Variants in COMMD8 observed in about 807,000 individuals in gnomAD.
COMMD8 encodes COMM domain containing 8.
A neutral mutation model predicts 27.2 loss-of-function variants in COMMD8; 28 were observed. The ratio of observed to expected loss-of-function variants is 1.03; its 90% CI spans 0.76 to 1.41. The LOEUF (loss-of-function observed/expected upper bound fraction) is 1.41, where lower values mean the gene tolerates loss of function less well. Among genes scored for constraint, COMMD8 ranks in the 40% most tolerant of loss-of-function variants. COMMD8 has a pLI of 0.00. For missense variants in COMMD8, 217 were observed against 211.2 expected (o/e 1.03, Z -0.17); for synonymous variants, 79 against 75.5 (o/e 1.05, Z -0.24).
In COMMD8 at chr4:47,456,558, CAT is replaced by C; in HGVS notation, c.375+17_375+18del. The C allele has an allele frequency of 6.5e-7, 1 of 1,533,108 alleles. No homozygotes were observed. The highest frequency in any genetic ancestry group is 8.7e-7 in the Non-Finnish European group (1 of 1,145,906). The allele number at this position is 1,533,108 out of a possible 1,614,324, so 95.0% of individuals were successfully genotyped here. A position where few individuals can be genotyped will look rare whatever the true frequency, so the allele number is the denominator to read the frequency against. On this transcript the variant is annotated intron_variant, in intron 3 of 4. Transcript: ENST00000381571. ...TCCAAAAAATGAAATAAAAAATACA[CAT>C]ACTCATAGACTCTTACCTTTACCTG...
chr4:47,459,695 A>G (rs1043536515), intron 2 of COMMD8, among the ~76,000 whole-genome samples: 6 of 152,182 alleles, frequency 3.9e-5, no homozygotes, highest in Non-Finnish European at 7.4e-5. Flanking sequence ...ACACACCCCA[A>G]ATAATTTCAA....
intron 4 of COMMD8, 61 bp downstream of exon 4, chr4:47,452,998 A>C: frequency 6.8e-7 from 1 of 1,474,978 alleles, no homozygotes; most frequent in Non-Finnish European, 9.1e-7. Flanking sequence ...CTCCAACGCA[A>C]ACAAAAAAAA....
chr4:47,460,023 A>C, intron 2 of COMMD8, 121 bp downstream of exon 2: 2 of 730,032 alleles, frequency 2.7e-6, no homozygotes, highest in East Asian at 5.9e-5. Context: ...TTTTCCATTC[A>C]CAATTATAAG....
At position 47,450,885 on chromosome 4, in the gene COMMD8, TTTA is replaced by T. The variant is rs1175884839; in HGVS notation, c.*757_*759del. ...ACATCCCAAAGTATTCAATATTGAG[TTTA>T]TTAACAAAAGTGGATGTGTACATAG... is the stretch of plus-strand genomic sequence containing the variant. On this transcript the variant is annotated 3_prime_UTR_variant, in exon 5 of 5. Coordinates refer to ENST00000381571, the MANE Select transcript of COMMD8 (RefSeq NM_017845.5). The T allele has an allele frequency of 6.6e-6, 1 of 152,230 alleles. No individual in the cohort carries two copies. The highest frequency in any genetic ancestry group is 1.5e-5 in the Non-Finnish European group (1 of 68,032). The allele number at this position is 152,230 out of a possible 1,614,324, so 9.4% of individuals were successfully genotyped here. A position where few individuals can be genotyped will look rare whatever the true frequency, so the allele number is the denominator to read the frequency against.
intron 3 of COMMD8, among the ~76,000 whole-genome samples, chr4:47,454,014 C>T (rs915615492): frequency 6.6e-6 from 1 of 152,180 alleles, no homozygotes; most frequent in African/African-American, 2.4e-5. Flanking sequence ...CTTGACATAG[C>T]TCCTCTATTC....
chr4:47,458,144 T>C (rs1165133717), intron 2 of COMMD8, among the ~76,000 whole-genome samples: 1 of 152,066 alleles, frequency 6.6e-6, no homozygotes, highest in African/African-American at 2.4e-5. Flanking sequence ...TGGATATCTA[T>C]AAAATTACAG....
At chr4:47,451,899 C>A (rs567985298) in intron 4 of COMMD8, among the ~76,000 whole-genome samples, 2 of 152,298 alleles carry the variant, frequency 1.3e-5, no homozygotes, top group South Asian at 2.1e-4. Flanking sequence ...AGCCATCCAG[C>A]CAAGCCTGAG....
At position 47,450,880 on chromosome 4, in the gene COMMD8, T is replaced by C. The variant is rs951602788; in HGVS notation, c.*765A>G. The C allele has an allele frequency of 1.3e-5, 2 of 152,222 alleles. No individual in the cohort carries two copies. Among genetic ancestry groups the C allele is most frequent in the African/African-American group, 2.4e-5 (1 of 41,472 alleles). The allele number at this position is 152,222 out of a possible 1,614,324, so 9.4% of individuals were successfully genotyped here. ...ATTTAACATCCCAAAGTATTCAATA[T>C]TGAGTTTATTAACAAAAGTGGATGT... On this transcript the variant is annotated 3_prime_UTR_variant, in exon 5 of 5. Coordinates refer to ENST00000381571, the MANE Select transcript of COMMD8 (RefSeq NM_017845.5).
At chr4:47,461,755 A>C (rs985085814) in intron 1 of COMMD8, among the ~76,000 whole-genome samples, 1 of 151,638 alleles carries the variant, frequency 6.6e-6, no homozygotes, top group African/African-American at 2.4e-5. Context: ...ACTGATCCTC[A>C]CTACAACTCT....
At chr4:47,453,286 G>GC (rs758583328) in intron 3 of COMMD8, 72 bp from the exon 4 acceptor site, 120 of 1,249,654 alleles carry the variant, frequency 9.6e-5, no homozygotes, top group Non-Finnish European at 1.3e-4. Context: ...TCAGAGGTTA[G>GC]TTAGCAGTAC....
chr4:47,460,991 T>C (rs1318731744), intron 1 of COMMD8, among the ~76,000 whole-genome samples: 1 of 152,226 alleles, frequency 6.6e-6, no homozygotes, highest in Non-Finnish European at 1.5e-5. Context: ...AGTTTCAGTA[T>C]TTTCAAGTTT....
chr4:47,458,127 C>A (rs143253295), intron 2 of COMMD8, among the ~76,000 whole-genome samples: 48 of 152,066 alleles, frequency 3.2e-4, no homozygotes, highest in African/African-American at 1.2e-3. Flanking sequence ...CTTCTTTAGT[C>A]TGATAATGGA....
intron 2 of COMMD8, among the ~76,000 whole-genome samples, chr4:47,457,275 G>C (rs771893925): frequency 6.6e-6 from 1 of 152,064 alleles, no homozygotes; most frequent in Non-Finnish European, 1.5e-5. Flanking sequence ...ACAGTAAAAG[G>C]GCAATTCAAC....
At chr4:47,462,816 G>A (rs907898917) in intron 1 of COMMD8, among the ~76,000 whole-genome samples, 3 of 152,026 alleles carry the variant, frequency 2.0e-5, no homozygotes, top group Admixed American at 6.5e-5. Flanking sequence ...AAAAGAATTA[G>A]GTGTTTTTTT....
chr4:47,457,057 GA>G (rs760239237), intron 2 of COMMD8, among the ~76,000 whole-genome samples: 1 of 152,172 alleles, frequency 6.6e-6, no homozygotes, highest in Non-Finnish European at 1.5e-5. Flanking sequence ...ATGCTCAAAG[GA>G]AGTGCTCATT....
At chr4:47,460,854 CTTT>C (rs1209648837) in intron 1 of COMMD8, among the ~76,000 whole-genome samples, 1 of 152,076 alleles carries the variant, frequency 6.6e-6, no homozygotes, top group Non-Finnish European at 1.5e-5. Context: ...TACTTTTTTC[CTTT>C]TTTTACTTTC....
intron 2 of COMMD8, among the ~76,000 whole-genome samples, chr4:47,457,997 A>G (rs1729936302): frequency 6.6e-6 from 1 of 152,118 alleles, no homozygotes; most frequent in African/African-American, 2.4e-5. Context: ...TTAGTTTAAC[A>G]TTCAAAAATC....
intron 2 of COMMD8, 83 bp from the exon 3 acceptor site, chr4:47,456,812 A>C (rs1362640315): frequency 1.0e-6 from 1 of 999,806 alleles, no homozygotes; most frequent in East Asian, 2.8e-5. Flanking sequence ...ACACTTTTAA[A>C]GCAACAGTAA....
At chr4:47,457,955 G>A (rs1237896793) in intron 2 of COMMD8, among the ~76,000 whole-genome samples, 1 of 151,628 alleles carries the variant, frequency 6.6e-6, no homozygotes, top group Non-Finnish European at 1.5e-5. Context: ...AATACATCAC[G>A]ATCAAGTGGG....
Sources: gnomAD v4.1 joint callset for allele counts (sites outside exome capture counted in the v4.1 genomes callset) on GRCh38, gnomAD v4.1.1 for gene constraint, MANE v1.5 for transcripts, NCBI Gene and HGNC (gene_info 2026-07-23, HGNC 2026-07-21) for gene names.